Variants in CFAP43 observed in about 807,000 individuals in gnomAD.
CFAP43 encodes the protein cilia and flagella associated protein 43.
CFAP43 carries 155 observed loss-of-function variants against 218.9 expected under a neutral mutation model. That is an observed-to-expected ratio of 0.71 (90% confidence interval 0.62 to 0.81). The LOEUF is 0.81. CFAP43 is among the 30% of genes least tolerant of loss of function. The pLI is 0.00. For missense variants in CFAP43, 1,778 were observed against 1,954.3 expected (o/e 0.91, Z 1.70); for synonymous variants, 645 against 681.3 (o/e 0.95, Z 0.83).
At chr10:104,230,525 A>G in intron 2 of CFAP43, 65 bp downstream of exon 2, 1 of 1,530,894 alleles carries the variant, frequency 6.5e-7, no homozygotes, top group Non-Finnish European at 8.8e-7. Context: ...CACTTATAAT[A>G]GATTTAGTCA....
intron 9 of CFAP43, 115 bp downstream of exon 9, chr10:104,197,807 G>C (rs572422005): frequency 1.5e-6 from 1 of 686,958 alleles, no homozygotes; most frequent in Non-Finnish European, 2.5e-6. Context: ...CCTCCTGTTC[G>C]CATTGCTTTG....
chr10:104,193,823 C>T (rs377069039), intron 11 of CFAP43, 43 bp downstream of exon 11: 30 of 1,584,848 alleles, frequency 1.9e-5, no homozygotes, highest in East Asian at 4.5e-5. Context: ...TTTCAACAGA[C>T]GGGTGTGACA....
At chr10:104,149,641 C>T (rs76056791) in intron 28 of CFAP43, among the ~76,000 whole-genome samples, 1 of 152,076 alleles carries the variant, frequency 6.6e-6, no homozygotes, top group Non-Finnish European at 1.5e-5. Context: ...CTTAAATTGT[C>T]TCATTTAAAG....
At chr10:104,199,105 A>AG (rs1455349802) in intron 8 of CFAP43, among the ~76,000 whole-genome samples, 1 of 152,230 alleles carries the variant, frequency 6.6e-6, no homozygotes, top group Non-Finnish European at 1.5e-5. Flanking sequence ...ATATAATGGA[A>AG]GGAACACTAA....
intron 34 of CFAP43, among the ~76,000 whole-genome samples, chr10:104,137,165 T>G (rs944116071): frequency 6.6e-6 from 1 of 152,150 alleles, no homozygotes; most frequent in Non-Finnish European, 1.5e-5. Flanking sequence ...CAAAAACTTG[T>G]GCATGAACAG....
intron 20 of CFAP43, among the ~76,000 whole-genome samples, chr10:104,169,955 C>T (rs149686292): frequency 4.6e-5 from 7 of 152,194 alleles, no homozygotes; most frequent in East Asian, 1.9e-4. Flanking sequence ...TTGTCATTAT[C>T]GGGCTTTGGT....
rs779066997 is a variant in CFAP43, at chr10:104,143,553, G to A, written c.4031C>T (p.Ala1344Val). ...LPGSGKLNKDAFAQLMKAMDE... is the reference protein window; with the variant it reads ...LPGSGKLNKDVFAQLMKAMDE... ...CATAGCTTTCATTAACTGGGCAAAG[G>A]CATCCTTATTCAACTTGCCAGATCC... Residue 1344 changes from alanine (A) to valine (V), a missense_variant, in exon 32 of 38, where the codon GCC (alanine) becomes GTC (valine). Physicochemically the swap from Ala to Val is moderately conservative, Grantham distance 64. Transcript: ENST00000357060. 7.4e-6 allele frequency: 12 copies of A among 1,614,048 alleles called. No homozygotes were observed. The highest frequency in any genetic ancestry group is 4.5e-5 in the East Asian group (2 of 44,900).
At chr10:104,186,151 A>G in intron 14 of CFAP43, 28 bp from the exon 15 acceptor site, 1 of 1,457,906 alleles carries the variant, frequency 6.9e-7, no homozygotes, top group Non-Finnish European at 9.1e-7. Flanking sequence ...TAACCACATT[A>G]TAGAAAAGAT....
At chr10:104,162,619 C>T (rs982196176) in intron 24 of CFAP43, among the ~76,000 whole-genome samples, 5 of 151,886 alleles carry the variant, frequency 3.3e-5, no homozygotes, top group African/African-American at 1.2e-4. Context: ...AAGCTTGTGT[C>T]CACCACTAAA....
intron 3 of CFAP43, among the ~76,000 whole-genome samples, chr10:104,222,807 G>A (rs1294782777): frequency 6.6e-6 from 1 of 152,182 alleles, no homozygotes. Flanking sequence ...TATCCAGCAG[G>A]AAGCAGGAGA....
At chr10:104,132,988 G>A (rs955722169) in intron 35 of CFAP43, among the ~76,000 whole-genome samples, 1 of 152,164 alleles carries the variant, frequency 6.6e-6, no homozygotes, top group Non-Finnish European at 1.5e-5. Context: ...AATCAAGAAA[G>A]GTTTTATGAA....
chr10:104,165,986 A>G (rs1411591425), intron 23 of CFAP43, among the ~76,000 whole-genome samples: 2 of 152,248 alleles, frequency 1.3e-5, no homozygotes, highest in East Asian at 3.8e-4. Context: ...ACCTAGTCCA[A>G]ATGGTCGAAC....
intron 23 of CFAP43, among the ~76,000 whole-genome samples, chr10:104,164,953 A>C (rs2089078154): frequency 6.6e-6 from 1 of 152,242 alleles, no homozygotes; most frequent in African/African-American, 2.4e-5. Flanking sequence ...AAAATCCACT[A>C]TAAAATATTT....
At chr10:104,167,788 G>T in intron 21 of CFAP43, 51 bp from the exon 22 acceptor site, 3 of 1,398,808 alleles carry the variant, frequency 2.1e-6, no homozygotes, top group Non-Finnish European at 3.0e-6. Flanking sequence ...GTATAATTGT[G>T]TGTATCTGGG....
intron 20 of CFAP43, among the ~76,000 whole-genome samples, chr10:104,169,111 C>T (rs1011877438): frequency 5.3e-5 from 8 of 152,026 alleles, no homozygotes; most frequent in African/African-American, 9.7e-5. Flanking sequence ...TAAGGATGGT[C>T]GGGTTGCATA....
chr10:104,187,412 G>C lies in CFAP43; in HGVS notation c.1768C>G (p.Leu590Val), dbSNP rs1318222923. The C allele has an allele frequency of 1.2e-6, 2 of 1,610,776 alleles. No individual in the cohort carries two copies. Among genetic ancestry groups the C allele is most frequent in the Non-Finnish European group, 1.7e-6 (2 of 1,178,924 alleles). The change falls in exon 14 of 38, where the codon CTG (leucine) becomes GTG (valine). Residue 590 changes from leucine to valine, a missense_variant. Leu to Val is a conservative substitution (Grantham distance 32). This residue lies in a region of CFAP43 where 1,553 missense variants were observed against 1,685.2 expected (regional missense o/e 0.92). Transcript: ENST00000357060. The part of the protein sequence containing the change: ...HKYLYELEHA[L>V]SSAVLGFQSN... ...TGAAAGCCCAAGACTGCAGAGGACA[G>C]AGCGTGCTCCAACTCATACAGGTAC...
intron 17 of CFAP43, among the ~76,000 whole-genome samples, chr10:104,181,868 C>T (rs1280209043): frequency 4.6e-5 from 7 of 152,136 alleles, no homozygotes; most frequent in African/African-American, 1.7e-4. Context: ...TCTGCATTTG[C>T]TTGTTTATCT....
intron 24 of CFAP43, 92 bp from the exon 25 acceptor site, chr10:104,162,495 A>C: frequency 9.7e-7 from 1 of 1,034,190 alleles, no homozygotes. Flanking sequence ...GGAAGATACT[A>C]AGGGGATTAA....
intron 19 of CFAP43, among the ~76,000 whole-genome samples, chr10:104,173,604 G>A (rs949147105): frequency 2.6e-5 from 4 of 152,172 alleles, no homozygotes; most frequent in Non-Finnish European, 5.9e-5. Context: ...TATTTGGATG[G>A]GAGAAACAGG....
Sources: gnomAD v4.1 joint callset for allele counts (sites outside exome capture counted in the v4.1 genomes callset) on GRCh38, gnomAD v4.1.1 for gene constraint, gnomAD v4.1.1 regional missense constraint, MANE v1.5 for transcripts, NCBI Gene and HGNC (gene_info 2026-07-23, HGNC 2026-07-21) for gene names.